The following SYN2 variants were observed in gnomAD, a reference collection of about 807,000 sequenced individuals.
SYN2 encodes the protein synapsin-2.
Under a neutral mutation model 50.9 loss-of-function variants are expected in SYN2, and 19 were observed. The observed-to-expected ratio is 0.37, with a 90% CI of 0.26 to 0.55. The LOEUF is 0.55. SYN2 is among the 20% of genes least tolerant of loss of function. SYN2 has a pLI of 0.81. For missense variants in SYN2, 587 were observed against 576.4 expected (o/e 1.02, Z -0.19); for synonymous variants, 255 against 224.9 (o/e 1.13, Z -1.20).
At chr3:12,108,127 C>G (rs1367008739) in intron 1 of SYN2, among the ~76,000 whole-genome samples, 1 of 152,110 alleles carries the variant, frequency 6.6e-6, no homozygotes, top group African/African-American at 2.4e-5. Context: ...GGAGAATTGC[C>G]TGAGCCCAAG....
intron 1 of SYN2, among the ~76,000 whole-genome samples, chr3:12,019,936 TAGTCAATTG>T (rs1694097175): frequency 6.6e-6 from 1 of 152,212 alleles, no homozygotes; most frequent in African/African-American, 2.4e-5. Flanking sequence ...ATCTCTGCAT[TAGTCAATTG>T]ATGATGCTTT....
chr3:12,062,924 A>G lies in SYN2; in HGVS notation c.377+57996A>G, dbSNP rs543212121. Among the ~76,000 whole-genome samples the G allele has an allele frequency of 3.2e-3, 482 of 152,188 alleles. 1 individual carries two copies. The highest frequency in any genetic ancestry group is 0.01 in the Middle Eastern group (3 of 294). On this transcript the variant is annotated intron_variant, in intron 1 of 12. Transcript: ENST00000621198. ...ATAAAAATAAATGAGCTATCAAGCT[A>G]CAAAAAGACATGGATGAATCTTAAA...
At chr3:12,078,352 A>G (rs529465116) in intron 1 of SYN2, among the ~76,000 whole-genome samples, 6 of 151,806 alleles carry the variant, frequency 4.0e-5, no homozygotes, top group South Asian at 2.1e-4. Flanking sequence ...TTTTGTTGCA[A>G]TTGCTTTCAT....
intron 1 of SYN2, among the ~76,000 whole-genome samples, chr3:12,131,506 A>T (rs1696796405): frequency 6.6e-6 from 1 of 152,180 alleles, no homozygotes; most frequent in South Asian, 2.1e-4. Flanking sequence ...CTCCAATATC[A>T]AATCAGCCTG....
intron 1 of SYN2, among the ~76,000 whole-genome samples, chr3:12,111,023 G>A (rs555182003): frequency 1.3e-5 from 2 of 152,304 alleles, no homozygotes; most frequent in Non-Finnish European, 1.5e-5. Flanking sequence ...GAAATGTGAG[G>A]ACATGAGGTT....
At chr3:12,047,499 T>G (rs1343992331) in intron 1 of SYN2, among the ~76,000 whole-genome samples, 1 of 152,176 alleles carries the variant, frequency 6.6e-6, no homozygotes, top group Non-Finnish European at 1.5e-5. Context: ...TTGAAGGCCT[T>G]GTTGAGGTGA....
intron 1 of SYN2, among the ~76,000 whole-genome samples, chr3:12,096,141 T>C (rs1358491142): frequency 6.6e-6 from 1 of 152,188 alleles, no homozygotes; most frequent in Non-Finnish European, 1.5e-5. Context: ...AGAATTTATC[T>C]CATGTCATCC....
intron 11 of SYN2, among the ~76,000 whole-genome samples, chr3:12,187,052 G>A (rs1377175287): frequency 6.6e-6 from 1 of 152,140 alleles, no homozygotes; most frequent in Non-Finnish European, 1.5e-5. Flanking sequence ...CTCTAGAGAG[G>A]AGGGGAGAGG....
At chr3:12,124,257 G>A (rs1696619335) in intron 1 of SYN2, among the ~76,000 whole-genome samples, 1 of 151,958 alleles carries the variant, frequency 6.6e-6, no homozygotes, top group South Asian at 2.1e-4. Context: ...ATAAAAATGA[G>A]GTGAAATTAA....
chr3:12,152,409 TTTGG>T (rs1490804674), intron 5 of SYN2, among the ~76,000 whole-genome samples: 1 of 152,184 alleles, frequency 6.6e-6, no homozygotes, highest in Non-Finnish European at 1.5e-5. Flanking sequence ...CTGAGGGTCC[TTTGG>T]TTGGGGAATC....
chr3:12,034,636 G>T (rs1344067349), intron 1 of SYN2, among the ~76,000 whole-genome samples: 2 of 152,170 alleles, frequency 1.3e-5, no homozygotes, highest in African/African-American at 2.4e-5. Flanking sequence ...TTGCACAAGA[G>T]TGAGGGTTAG....
chr3:12,155,989 T>A (rs113230764), intron 5 of SYN2, among the ~76,000 whole-genome samples: 2,072 of 152,232 alleles, frequency 0.014, 44 homozygotes, highest in African/African-American at 0.048. Flanking sequence ...CATTGTAGCC[T>A]CCAGTGCCTA....
intron 1 of SYN2, chr3:12,070,426 A>C: frequency 1.8e-6 from 1 of 544,236 alleles, no homozygotes; most frequent in Non-Finnish European, 3.7e-6. Flanking sequence ...CCTGACGCTG[A>C]AGATTGGGAC....
chr3:12,105,199 T>A (rs1696159344), intron 1 of SYN2, among the ~76,000 whole-genome samples: 2 of 152,100 alleles, frequency 1.3e-5, no homozygotes, highest in Admixed American at 6.5e-5. Flanking sequence ...GCTACAGTAT[T>A]AGACAAGGAC....
intron 1 of SYN2, among the ~76,000 whole-genome samples, chr3:12,133,968 T>C (rs1423772987): frequency 1.3e-5 from 2 of 152,342 alleles, no homozygotes; most frequent in East Asian, 1.9e-4. Context: ...TGGGCACTTA[T>C]TGCTTATTGG....
Position 12,042,941 on chromosome 3 carries a change from C to T in SYN2, c.377+38013C>T, listed in dbSNP as rs1331623837. On this transcript the variant is annotated intron_variant, in intron 1 of 12. Coordinates refer to ENST00000621198, the MANE Select transcript of SYN2 (RefSeq NM_133625.6). ...AGCCTTCGGAGGGAACATAGCCCGG[C>T]CAACACACCTTGATTTTAGACTTCT... 3.3e-5 allele frequency among the ~76,000 whole-genome samples: 5 copies of T among 152,196 alleles called. No homozygotes were observed. In the South Asian group the frequency reaches 1.0e-3, roughly 32 times the overall value.
At chr3:12,158,887 C>T (rs769196983) in intron 5 of SYN2, 29 of 1,488,130 alleles carry the variant, frequency 1.9e-5, no homozygotes, top group African/African-American at 4.2e-5. Context: ...GGGGACTGGA[C>T]GGCCCCAGCA....
intron 1 of SYN2, among the ~76,000 whole-genome samples, chr3:12,043,438 T>C (rs1694665043): frequency 6.6e-6 from 1 of 152,200 alleles, no homozygotes; most frequent in African/African-American, 2.4e-5. Flanking sequence ...AAGCATTTAC[T>C]GCAGGGTCTC....
intron 1 of SYN2, among the ~76,000 whole-genome samples, chr3:12,090,478 TTC>T (rs1226897181): frequency 6.6e-6 from 1 of 151,948 alleles, no homozygotes; most frequent in African/African-American, 2.4e-5. Context: ...AAGTTTAAAT[TTC>T]TGGCTCTGCC....
Sources: allele counts gnomAD v4.1 joint callset (sites outside exome capture counted in the v4.1 genomes callset), GRCh38; gene constraint gnomAD v4.1.1; transcripts MANE v1.5; gene names NCBI Gene and HGNC (gene_info 2026-07-23, HGNC 2026-07-21).